FAF1: variants seen among roughly 807,000 people sequenced by gnomAD.
FAF1 encodes Fas associated factor 1.
In FAF1, 25 loss-of-function variants were observed where a neutral mutation model predicts 92.5. The ratio of observed to expected loss-of-function variants is 0.27; its 90% CI spans 0.20 to 0.38. FAF1 has a LOEUF of 0.38. Ranked by LOEUF, FAF1 falls within the 10% of genes least tolerant of loss-of-function variation. The pLI, the probability that FAF1 is intolerant of heterozygous loss-of-function variation, is 1.00. For synonymous variants in FAF1, 234 were observed against 273.2 expected, an observed-to-expected ratio of 0.86 and a Z score of 1.42; for missense variants, 636 against 793.3, an observed-to-expected ratio of 0.80 and a Z score of 2.38.
chr1:50,532,305 C>A (rs915487658), intron 15 of FAF1, among the ~76,000 whole-genome samples: 6 of 152,094 alleles, frequency 3.9e-5, no homozygotes, highest in African/African-American at 1.4e-4. Context: ...AAGTAAATTT[C>A]TTTACCAGTG....
intron 18 of FAF1, among the ~76,000 whole-genome samples, chr1:50,443,852 C>G (rs749482283): frequency 1.3e-5 from 2 of 152,122 alleles, no homozygotes; most frequent in Admixed American, 1.3e-4. Flanking sequence ...CTCCTGGAAC[C>G]CTGATCTATA....
At chr1:50,479,978 T>G (rs1234130165) in intron 17 of FAF1, among the ~76,000 whole-genome samples, 2 of 152,208 alleles carry the variant, frequency 1.3e-5, no homozygotes, top group East Asian at 3.8e-4. Context: ...AAGCAAACAC[T>G]GTTGTAAAAC....
intron 17 of FAF1, among the ~76,000 whole-genome samples, chr1:50,485,951 C>T (rs1348792419): frequency 1.3e-5 from 2 of 151,930 alleles, no homozygotes; most frequent in South Asian, 2.1e-4. Flanking sequence ...GGGGAAATGG[C>T]GCTCCCATGA....
At chr1:50,599,807 TTA>T (rs1289201318) in intron 8 of FAF1, among the ~76,000 whole-genome samples, 1 of 152,142 alleles carries the variant, frequency 6.6e-6, no homozygotes, top group Non-Finnish European at 1.5e-5. Context: ...CAAACTGTGG[TTA>T]TTTGGATTTG....
chr1:50,659,116 G>A (rs1210444603), intron 7 of FAF1, among the ~76,000 whole-genome samples: 3 of 152,040 alleles, frequency 2.0e-5, no homozygotes, highest in African/African-American at 4.8e-5. Flanking sequence ...TAGTATTCTA[G>A]GAAACCTCAA....
intron 1 of FAF1, among the ~76,000 whole-genome samples, chr1:50,933,226 G>A (rs1645062150): frequency 6.6e-6 from 1 of 152,082 alleles, no homozygotes; most frequent in African/African-American, 2.4e-5. Flanking sequence ...TTTCTACTGC[G>A]TCAGGCTGCA....
intron 15 of FAF1, among the ~76,000 whole-genome samples, chr1:50,496,306 T>C (rs1646897372): frequency 6.6e-6 from 1 of 152,256 alleles, no homozygotes; most frequent in East Asian, 1.9e-4. Context: ...CTGCTATCTA[T>C]CTCTAGAGAT....
At chr1:50,856,388 C>A (rs1644390654) in intron 2 of FAF1, among the ~76,000 whole-genome samples, 2 of 151,814 alleles carry the variant, frequency 1.3e-5, no homozygotes, top group Non-Finnish European at 3.0e-5. Context: ...TAAGCCACTG[C>A]TCTTTCTCCC....
In FAF1 at chr1:50,499,740, CTTCT is replaced by C. The variant is rs771813592; in HGVS notation, c.1495-7943_1495-7940del. Among the ~76,000 whole-genome samples, 16 of 152,170 alleles carry C rather than the reference CTTCT, an allele frequency of 1.1e-4. No homozygotes were observed. The East Asian group carries it at 2.9e-3, about 28-fold the overall frequency. On this transcript the variant is annotated intron_variant, in intron 15 of 18. Transcript: ENST00000396153. ...CCTTCCCCTTCCCTCCCCTTCCTCC[CTTCT>C]TTCTTTCTTTCTTTTTTCTAGTCAA...
At chr1:50,512,612 T>C (rs749400937) in intron 15 of FAF1, among the ~76,000 whole-genome samples, 3 of 152,238 alleles carry the variant, frequency 2.0e-5, no homozygotes, top group Non-Finnish European at 4.4e-5. Context: ...TTCGTACCAG[T>C]ATCATGCTGT....
At chr1:50,773,788 A>G (rs949146557) in intron 4 of FAF1, among the ~76,000 whole-genome samples, 2 of 152,196 alleles carry the variant, frequency 1.3e-5, no homozygotes, top group Non-Finnish European at 2.9e-5. Context: ...AGGTGAATAC[A>G]GTTAAGAAAT....
chr1:50,450,146 G>C (rs1646277510), intron 18 of FAF1, among the ~76,000 whole-genome samples: 1 of 148,692 alleles, frequency 6.7e-6, no homozygotes, highest in African/African-American at 2.5e-5. Flanking sequence ...GTGAACCACA[G>C]TCATGCCACT....
chr1:50,720,463 G>T (rs1425683522), intron 6 of FAF1, among the ~76,000 whole-genome samples: 1 of 152,162 alleles, frequency 6.6e-6, no homozygotes, highest in Non-Finnish European at 1.5e-5. Context: ...ATCAAATCAT[G>T]CATTGTTCTA....
intron 15 of FAF1, among the ~76,000 whole-genome samples, chr1:50,525,494 C>T (rs191230978): frequency 6.6e-6 from 1 of 152,194 alleles, no homozygotes; most frequent in East Asian, 1.9e-4. Context: ...TAAGATCATG[C>T]CATCTGCAAA....
intron 7 of FAF1, among the ~76,000 whole-genome samples, chr1:50,697,506 A>C (rs1657284066): frequency 6.6e-6 from 1 of 152,166 alleles, no homozygotes; most frequent in African/African-American, 2.4e-5. Flanking sequence ...TGGTTAAGCT[A>C]CAGGGCCGTA....
intron 2 of FAF1, among the ~76,000 whole-genome samples, chr1:50,840,978 T>C (rs1338550138): frequency 2.0e-5 from 3 of 151,962 alleles, no homozygotes; most frequent in South Asian, 2.1e-4. Context: ...TACTACTGAG[T>C]CTGGAAGTCC....
intron 8 of FAF1, among the ~76,000 whole-genome samples, chr1:50,599,794 A>G (rs1269220123): frequency 6.6e-6 from 1 of 152,214 alleles, no homozygotes; most frequent in African/African-American, 2.4e-5. Context: ...AATGATGGGC[A>G]GACAAACTGT....
chr1:50,922,708 C>T (rs140885649), intron 1 of FAF1, among the ~76,000 whole-genome samples: 1,488 of 147,884 alleles, frequency 0.01, 23 homozygotes, highest in African/African-American at 0.035. Flanking sequence ...ATCCCAGCTA[C>T]TTGTGGGGGC....
intron 9 of FAF1, 127 bp downstream of exon 9, chr1:50,595,994 C>A: frequency 1.6e-6 from 1 of 638,490 alleles, no homozygotes; most frequent in South Asian, 2.1e-5. Context: ...CAAGAATTTA[C>A]CGAGATTTAA....
Sources: gnomAD v4.1 joint callset for allele counts (sites outside exome capture counted in the v4.1 genomes callset) on GRCh38, gnomAD v4.1.1 for gene constraint, MANE v1.5 for transcripts, NCBI Gene and HGNC (gene_info 2026-07-23, HGNC 2026-07-21) for gene names.